The following CNGA1 variants were observed in gnomAD, a reference collection of about 807,000 sequenced individuals.
CNGA1 encodes cyclic nucleotide-gated channel alpha-1.
In CNGA1, 53 loss-of-function variants were observed where a neutral mutation model predicts 69.7. That is an observed-to-expected ratio of 0.76 (90% CI 0.61 to 0.96). CNGA1 has a LOEUF of 0.96. Ranked by LOEUF, CNGA1 falls within the 40% of genes least tolerant of loss-of-function variation. The probability of loss-of-function intolerance (pLI) is 0.00; values close to 1 mark genes in which losing one functional copy is unlikely to be tolerated. For synonymous variants in CNGA1, 249 were observed against 283.5 expected (o/e 0.88, Z 1.22); for missense variants, 739 against 811.2 (o/e 0.91, Z 1.08).
intron 2 of CNGA1, among the ~76,000 whole-genome samples, chr4:47,986,931 T>C (rs1005509290): frequency 6.6e-6 from 1 of 152,174 alleles, no homozygotes; most frequent in Non-Finnish European, 1.5e-5. Flanking sequence ...ACTTACATAC[T>C]ACAATATTTT....
intron 5 of CNGA1, among the ~76,000 whole-genome samples, chr4:47,951,106 G>A (rs191958068): frequency 1.3e-5 from 2 of 152,344 alleles, no homozygotes; most frequent in East Asian, 1.9e-4. Flanking sequence ...AGGAACAGAA[G>A]TAATTCCTCC....
intron 2 of CNGA1, among the ~76,000 whole-genome samples, chr4:48,000,584 T>C (rs1578124707): frequency 6.6e-6 from 1 of 152,138 alleles, no homozygotes; most frequent in Non-Finnish European, 1.5e-5. Flanking sequence ...GTTAGGCTGG[T>C]CTTGAACTCC....
chr4:47,970,290 G>A (rs973291625), intron 3 of CNGA1, among the ~76,000 whole-genome samples: 3 of 152,034 alleles, frequency 2.0e-5, no homozygotes, highest in Non-Finnish European at 2.9e-5. Flanking sequence ...GCAAGCCCAC[G>A]GGAACAGCAT....
intron 3 of CNGA1, among the ~76,000 whole-genome samples, chr4:47,953,119 G>C (rs1222779135): frequency 6.6e-6 from 1 of 152,150 alleles, no homozygotes; most frequent in Non-Finnish European, 1.5e-5. Context: ...TGAAGTTTGG[G>C]TGGGTACACA....
At chr4:47,988,230 A>T (rs1742072450) in intron 2 of CNGA1, among the ~76,000 whole-genome samples, 1 of 152,182 alleles carries the variant, frequency 6.6e-6, no homozygotes, top group Non-Finnish European at 1.5e-5. Context: ...TTGCAATTTG[A>T]TGAGACAGGA....
chr4:47,951,290 A>G, intron 5 of CNGA1, 63 bp downstream of exon 5: 1 of 1,093,208 alleles, frequency 9.1e-7, no homozygotes, highest in Admixed American at 1.7e-5. Context: ...AAAATTCAAA[A>G]CACTGCAACC....
intron 3 of CNGA1, among the ~76,000 whole-genome samples, chr4:47,956,886 A>G (rs891432526): frequency 1.3e-5 from 2 of 152,196 alleles, no homozygotes; most frequent in African/African-American, 2.4e-5. Flanking sequence ...GCATTTAAAT[A>G]TCTACATTAT....
intron 2 of CNGA1, among the ~76,000 whole-genome samples, chr4:47,986,679 G>A (rs901509017): frequency 6.6e-6 from 1 of 151,764 alleles, no homozygotes; most frequent in Non-Finnish European, 1.5e-5. Flanking sequence ...ACTTTTCTAC[G>A]AGGCACAAAG....
chr4:47,966,032 G>T (rs557334496), intron 3 of CNGA1, among the ~76,000 whole-genome samples: 2 of 152,316 alleles, frequency 1.3e-5, no homozygotes, highest in African/African-American at 4.8e-5. Flanking sequence ...TGGAAAGCAA[G>T]ATTCAGCTCT....
At chr4:47,983,924 G>T (rs1400957880) in intron 2 of CNGA1, among the ~76,000 whole-genome samples, 1 of 152,126 alleles carries the variant, frequency 6.6e-6, no homozygotes, top group Non-Finnish European at 1.5e-5. Flanking sequence ...CCCAGAGAGG[G>T]TTACTAGATT....
At chr4:47,941,151 G>A (rs560461911) in intron 9 of CNGA1, among the ~76,000 whole-genome samples, 2 of 152,276 alleles carry the variant, frequency 1.3e-5, no homozygotes, top group South Asian at 4.1e-4. Context: ...CAAGTATACA[G>A]TAAGACAGAA....
intron 10 of CNGA1, among the ~76,000 whole-genome samples, chr4:47,939,381 C>T (rs1372424592): frequency 2.6e-5 from 4 of 152,226 alleles, no homozygotes; most frequent in East Asian, 3.8e-4. Context: ...TGACTCTTCC[C>T]GACTTTGCCC....
chr4:48,003,466 T>A (rs1412774823), intron 2 of CNGA1, among the ~76,000 whole-genome samples: 1 of 152,146 alleles, frequency 6.6e-6, no homozygotes, highest in Non-Finnish European at 1.5e-5. Flanking sequence ...CCCTTTTCTG[T>A]GGGCAGCAAG....
chr4:48,012,283 C>G (rs1039927725), intron 1 of CNGA1, among the ~76,000 whole-genome samples: 6 of 152,112 alleles, frequency 3.9e-5, no homozygotes, highest in Non-Finnish European at 7.4e-5. Context: ...TATATTTCAG[C>G]TAGGACAAAT....
At chr4:47,984,661 T>TAC (rs1181982176) in intron 2 of CNGA1, among the ~76,000 whole-genome samples, 18 of 97,008 alleles carry the variant, frequency 1.9e-4, no homozygotes, top group African/African-American at 5.8e-4. Flanking sequence ...TATATATATA[T>TAC]ATACACACAC....
At chr4:48,006,023 T>C (rs1194408172) in intron 2 of CNGA1, among the ~76,000 whole-genome samples, 2 of 152,224 alleles carry the variant, frequency 1.3e-5, no homozygotes, top group African/African-American at 4.8e-5. Flanking sequence ...CTTAAACATT[T>C]TCTTGACTTT....
intron 2 of CNGA1, among the ~76,000 whole-genome samples, chr4:47,993,745 G>C (rs1742372420): frequency 6.6e-6 from 1 of 151,316 alleles, no homozygotes; most frequent in African/African-American, 2.4e-5. Context: ...TTTTTTTCTT[G>C]TTTCTCTAGT....
At chr4:47,972,262 T>G (rs1036933461) in intron 3 of CNGA1, among the ~76,000 whole-genome samples, 3 of 152,242 alleles carry the variant, frequency 2.0e-5, no homozygotes, top group Admixed American at 2.0e-4. Context: ...TCTATTTTTA[T>G]TTCTTTCCTA....
At chr4:48,008,671 A>G (rs1715024865) in intron 2 of CNGA1, among the ~76,000 whole-genome samples, 1 of 152,360 alleles carries the variant, frequency 6.6e-6, no homozygotes, top group African/African-American at 2.4e-5. Context: ...AAACTGTGAT[A>G]GTCATCAATT....
Sources: allele counts gnomAD v4.1 joint callset (sites outside exome capture counted in the v4.1 genomes callset), GRCh38; gene constraint gnomAD v4.1.1; transcripts MANE v1.5; gene names NCBI Gene and HGNC (gene_info 2026-07-23, HGNC 2026-07-21).